The following ZDHHC18 variants were observed in gnomAD, a reference collection of about 807,000 sequenced individuals.
ZDHHC18 encodes palmitoyltransferase ZDHHC18.
In ZDHHC18, 23 loss-of-function variants were observed where a neutral mutation model predicts 37.5. The observed-to-expected ratio is 0.61, with a 90% CI of 0.44 to 0.87. ZDHHC18 has a LOEUF of 0.87. Ranked by LOEUF, ZDHHC18 falls within the 40% of genes least tolerant of loss-of-function variation. The pLI, the probability that ZDHHC18 is intolerant of heterozygous loss-of-function variation, is 0.00. For synonymous variants in ZDHHC18, 185 were observed against 218.7 expected, an observed-to-expected ratio of 0.85 and a Z score of 1.36; for missense variants, 406 against 525.6, an observed-to-expected ratio of 0.77 and a Z score of 2.22.
rs2081560994 is a variant in ZDHHC18 at position 26,827,070 on chromosome 1, G to C, written c.266G>C (p.Gly89Ala). 3.6e-6 allele frequency: 5 copies of C among 1,384,734 alleles called. No homozygotes were observed. The highest frequency in any genetic ancestry group is 4.7e-6 in the Non-Finnish European group (5 of 1,069,630). 85.8% of individuals were successfully genotyped at this position (1,384,734 alleles called of 1,614,324 possible). A position where few individuals can be genotyped will look rare whatever the true frequency, so the allele number is the denominator to read the frequency against. Residue 89 changes from glycine to alanine, a missense_variant, in exon 1 of 8, where the codon GGC becomes GCC. Transcript: ENST00000374142. ...FYCGGRLMLA[G>A]HGGVFALTLL... The stretch of plus-strand genomic sequence containing the variant: ...TGCGGCGGCCGCCTCATGCTGGCCG[G>C]CCACGGCGGCGTCTTCGCGCTCACG...
intron 2 of ZDHHC18, among the ~76,000 whole-genome samples, chr1:26,833,255 G>A (rs1034478121): frequency 6.6e-6 from 1 of 152,192 alleles, no homozygotes; most frequent in Non-Finnish European, 1.5e-5. Context: ...GAGGGAAGGA[G>A]GATGAAGGCT....
rs2081727630 is a variant in ZDHHC18, at chr1:26,855,173, G to A, written c.*1330G>A. ...GCCTGGGCGTGGTGGGTGGGGTGAT[G>A]GCTCTGGGGAGCGGCTGCCATCCTA... On this transcript the variant is annotated 3_prime_UTR_variant, in exon 8 of 8. Coordinates refer to ENST00000374142, the MANE Select transcript of ZDHHC18 (RefSeq NM_032283.3). 3 of 152,306 alleles carry A rather than the reference G, an allele frequency of 2.0e-5. No homozygotes were observed. The highest frequency in any genetic ancestry group is 7.2e-5 in the African/African-American group (3 of 41,464). 9.4% of individuals were successfully genotyped at this position (152,306 alleles called of 1,614,324 possible). A position where few individuals can be genotyped will look rare whatever the true frequency, so the allele number is the denominator to read the frequency against.
rs541519638 is a variant in ZDHHC18 at position 26,850,208 on chromosome 1, G to A, written c.647-93G>A. 1 of 1,502,152 alleles carries A rather than the reference G, an allele frequency of 6.7e-7. No homozygotes were observed. Among genetic ancestry groups the A allele is most frequent in the African/African-American group, 1.4e-5 (1 of 72,250 alleles). 93.1% of individuals were successfully genotyped at this position (1,502,152 alleles called of 1,614,324 possible). A position where few individuals can be genotyped will look rare whatever the true frequency, so the allele number is the denominator to read the frequency against. ...AGCTGGTGCTGCGAGAGTGAACGGG[G>A]TAGGAAAGCCCCAGCCATGGGTGAG... is the stretch of plus-strand genomic sequence containing the variant. On this transcript the variant is annotated intron_variant, in intron 3 of 7. Coordinates refer to ENST00000374142, the MANE Select transcript of ZDHHC18 (RefSeq NM_032283.3). The surrounding 1 kb of genome is among the most constrained non-coding windows in gnomAD (Gnocchi z 6.1).
At position 26,826,896 on chromosome 1, in the gene ZDHHC18, C is replaced by CGACTCCG. The variant is rs1205196426; in HGVS notation, c.94_100dup (p.Gly34AspfsTer81). On this transcript the variant is annotated frameshift_variant, in exon 1 of 8. Coordinates refer to ENST00000374142, the MANE Select transcript of ZDHHC18 (RefSeq NM_032283.3). LOFTEE classifies it high-confidence loss of function. The surrounding 1 kb of genome is among the most constrained non-coding windows in gnomAD (Gnocchi z 5.2). ...CGCCGTCCCGGCCCCGCCGCGTCCC[C>CGACTCCG]GACTCCGGGCCCCGGGCCCGCGCCG... The CGACTCCG allele has an allele frequency of 5.1e-6, 5 of 983,158 alleles. No homozygotes were observed. The highest frequency in any genetic ancestry group is 6.0e-6 in the Non-Finnish European group (5 of 830,122). 60.9% of individuals were successfully genotyped at this position (983,158 alleles called of 1,614,324 possible).
chr1:26,856,553 G>C lies in ZDHHC18; in HGVS notation c.*2710G>C. ...AGGGTGAGGCTGGGGAGAGGATGGC[G>C]AACCTGCCCTGAGGTGCTTGGGTCT... On this transcript the variant is annotated 3_prime_UTR_variant, in exon 8 of 8. Transcript: ENST00000374142. The surrounding 1 kb of genome is among the most constrained non-coding windows in gnomAD (Gnocchi z 5.2). 1 of 203,046 alleles carries C rather than the reference G, an allele frequency of 4.9e-6. No individual in the cohort carries two copies. 12.6% of individuals were successfully genotyped at this position (203,046 alleles called of 1,614,324 possible).
chr1:26,850,328 T>G lies in ZDHHC18; in HGVS notation c.674T>G (p.Val225Gly), dbSNP rs1362017960. The change falls in exon 4 of 8, where the codon GTG becomes GGG. Residue 225 changes from valine to glycine, a missense_variant. Physicochemically the swap from Val to Gly is moderately radical, Grantham distance 109 (BLOSUM62 -3). Transcript: ENST00000374142. This position sits in a 1 kb window ranked among gnomAD's most constrained non-coding sequence, Gnocchi z 6.1. The part of the protein sequence containing the change: ...VERFDHHCPW[V>G]GNCVGRRNYR... ...CGATTTGACCATCACTGCCCCTGGGTGGGCAACTGTGTGGGGAGACGGAAC... is the reference window on the plus strand; with the variant it reads ...CGATTTGACCATCACTGCCCCTGGGGGGGCAACTGTGTGGGGAGACGGAAC... 1 of 1,614,240 alleles carries G rather than the reference T, an allele frequency of 6.2e-7. No homozygotes were observed. Among genetic ancestry groups the G allele is most frequent in the Admixed American group, 1.7e-5 (1 of 60,030 alleles).
At chr1:26,852,206 T>C (rs1484350311) in intron 6 of ZDHHC18, among the ~76,000 whole-genome samples, 2 of 152,278 alleles carry the variant, frequency 1.3e-5, no homozygotes, top group Non-Finnish European at 2.9e-5. Context: ...GCCAAATAAG[T>C]GTAGAAAACT....
intron 5 of ZDHHC18, 84 bp from the exon 6 acceptor site, chr1:26,851,045 T>TG: frequency 2.3e-6 from 3 of 1,307,404 alleles, no homozygotes; most frequent in Non-Finnish European, 3.3e-6. Context: ...GGGAAACAGC[T>TG]CCATGGAAGG....
In ZDHHC18 at chr1:26,850,535, C is replaced by G; in HGVS notation, c.785-23C>G. 1.2e-6 allele frequency: 2 copies of G among 1,614,186 alleles called. No individual in the cohort carries two copies. The highest frequency in any genetic ancestry group is 2.2e-5 in the East Asian group (1 of 44,890). On this transcript the variant is annotated intron_variant, in intron 4 of 7. Coordinates refer to ENST00000374142, the MANE Select transcript of ZDHHC18 (RefSeq NM_032283.3). The surrounding 1 kb of genome is among the most constrained non-coding windows in gnomAD (Gnocchi z 6.1). ...CAGTCACTGTCCCTCTGAGCTTGTC[C>G]TCTCCTGTTTCTTTCTCCCCAGGCG...
intron 2 of ZDHHC18, among the ~76,000 whole-genome samples, chr1:26,836,003 A>G (rs1428954484): frequency 6.6e-6 from 1 of 152,138 alleles, no homozygotes; most frequent in Admixed American, 6.5e-5. Flanking sequence ...TGTCTTAGGA[A>G]ACCACTCAAT....
rs773074631 is a variant in ZDHHC18, at chr1:26,832,440, G to A, written c.336-7G>A. ...GTCTGCTGATCTCTCTCCATCTCTC[G>A]TTCTAGCTGTCCCTACCTGGCTCGC... is the stretch of plus-strand genomic sequence containing the variant. On this transcript the variant is annotated splice_polypyrimidine_tract_variant and splice_region_variant and intron_variant, in intron 1 of 7. Transcript: ENST00000374142. 24 of 1,613,840 alleles carry A rather than the reference G, an allele frequency of 1.5e-5. No individual in the cohort carries two copies. In the East Asian group the frequency reaches 2.2e-4, roughly 15 times the overall value.
chr1:26,851,768 G>A (rs2081705899), intron 6 of ZDHHC18, among the ~76,000 whole-genome samples: 2 of 152,188 alleles, frequency 1.3e-5, no homozygotes, highest in Admixed American at 1.3e-4. Context: ...TTCTCAAGGT[G>A]GCACTGGCCT....
At chr1:26,847,605 C>G (rs2081677172) in intron 2 of ZDHHC18, among the ~76,000 whole-genome samples, 1 of 152,106 alleles carries the variant, frequency 6.6e-6, no homozygotes, top group Non-Finnish European at 1.5e-5. Flanking sequence ...AAAATAAGAT[C>G]CATGATGTAT....
In ZDHHC18 at chr1:26,851,151, T is replaced by G; in HGVS notation, c.856T>G (p.Phe286Val). Residue 286 changes from phenylalanine (F) to valine (V), a missense_variant, in exon 6 of 8, where the codon TTC (phenylalanine) becomes GTC (valine). Physicochemically the swap from Phe to Val is conservative, Grantham distance 50. Coordinates refer to ENST00000374142, the MANE Select transcript of ZDHHC18 (RefSeq NM_032283.3). ...PASVLELVIC[F>V]FSIWSILGLS... is the part of the protein sequence containing the mutation. ...CACCGTGCTGGAGTTGGTGATCTGC[T>G]TCTTCTCCATCTGGTCCATTCTGGG... 6.2e-7 allele frequency: 1 copy of G among 1,614,234 alleles called. No individual in the cohort carries two copies. The highest frequency in any genetic ancestry group is 8.5e-7 in the Non-Finnish European group (1 of 1,180,016).
rs1050710859 is a variant in ZDHHC18, at chr1:26,852,948, C to T, written c.1049+83C>T. On this transcript the variant is annotated intron_variant, in intron 7 of 7. Coordinates refer to ENST00000374142, the MANE Select transcript of ZDHHC18 (RefSeq NM_032283.3). ...GTGTTCCTGGATATCAGCCGACCTC[C>T]CCCTACACCCTAGATGCCCTCCGTC... 4.0e-6 allele frequency: 5 copies of T among 1,256,906 alleles called. No individual in the cohort carries two copies. In the African/African-American group the frequency reaches 5.9e-5, roughly 15 times the overall value. The allele number at this position is 1,256,906 out of a possible 1,614,324, so 77.9% of individuals were successfully genotyped here. A position where few individuals can be genotyped will look rare whatever the true frequency, so the allele number is the denominator to read the frequency against.
Position 26,852,833 on chromosome 1 carries a change from C to T in ZDHHC18, c.1017C>T (p.Cys339=). 2 of 1,614,062 alleles carry T rather than the reference C, an allele frequency of 1.2e-6. No homozygotes were observed. Among genetic ancestry groups the T allele is most frequent in the Non-Finnish European group, 1.7e-6 (2 of 1,179,958 alleles). Residue 339 remains cysteine (C), a synonymous_variant, in exon 7 of 8, where the codon TGC becomes TGT. Coordinates refer to ENST00000374142, the MANE Select transcript of ZDHHC18 (RefSeq NM_032283.3). Reference sequence around the variant, plus strand: ...GCCATAAAAGTATTATCACCAACTGCTGTGCTGTGCTCTGTGGCCCCCTAC... The same window carrying T: ...GCCATAAAAGTATTATCACCAACTGTTGTGCTGTGCTCTGTGGCCCCCTAC... ...PYSHKSIITN[C]CAVLCGPLPP... is the part of the protein sequence containing the mutation.
Position 26,850,677 on chromosome 1 carries a change from A to G in ZDHHC18, c.833+71A>G, listed in dbSNP as rs1570675765. On this transcript the variant is annotated intron_variant, in intron 5 of 7. Transcript: ENST00000374142. The surrounding 1 kb of genome is among the most constrained non-coding windows in gnomAD (Gnocchi z 6.1). Reference sequence around the variant, plus strand: ...CTTCACTGGGTGGGTGCCCTGCCTCATCCTCTAATCAGAAGGGAACAGCGT... The same window carrying G: ...CTTCACTGGGTGGGTGCCCTGCCTCGTCCTCTAATCAGAAGGGAACAGCGT... 2.6e-6 allele frequency: 4 copies of G among 1,544,116 alleles called. No homozygotes were observed. The highest frequency in any genetic ancestry group is 1.1e-5 in the South Asian group (1 of 88,296).
chr1:26,840,554 G>A (rs1190562714), intron 2 of ZDHHC18, among the ~76,000 whole-genome samples: 1 of 149,900 alleles, frequency 6.7e-6, no homozygotes, highest in Non-Finnish European at 1.5e-5. Context: ...GATTCTTCCT[G>A]CCTCAGCCTC....
chr1:26,850,920 T>A lies in ZDHHC18; in HGVS notation c.834-209T>A, dbSNP rs578165733. Among the ~76,000 whole-genome samples, 127 of 152,330 alleles carry A rather than the reference T, an allele frequency of 8.3e-4. No homozygotes were observed. Among genetic ancestry groups the A allele is most frequent in the African/African-American group, 2.9e-3 (122 of 41,582 alleles). On this transcript the variant is annotated intron_variant, in intron 5 of 7. Transcript: ENST00000374142. The surrounding 1 kb of genome is among the most constrained non-coding windows in gnomAD (Gnocchi z 6.1). Reference sequence around the variant, plus strand: ...CAGTTTTCTCTGCCGTCCATCACCCTGACCTTGTCTGGCTCTTGAGTGGGG... The same window carrying A: ...CAGTTTTCTCTGCCGTCCATCACCCAGACCTTGTCTGGCTCTTGAGTGGGG...
Sources: allele counts gnomAD v4.1 joint callset (sites outside exome capture counted in the v4.1 genomes callset), GRCh38; gene constraint gnomAD v4.1.1; non-coding constraint Gnocchi (gnomAD v3.1); transcripts MANE v1.5; gene names NCBI Gene and HGNC (gene_info 2026-07-23, HGNC 2026-07-21).